Variants in MRTFA observed in about 807,000 individuals in gnomAD.
MRTFA encodes myocardin related transcription factor A, also known as myocardin-related transcription factor A.
A neutral mutation model predicts 83.5 loss-of-function variants in MRTFA; 20 were observed. The ratio of observed to expected loss-of-function variants is 0.24; its 90% CI spans 0.17 to 0.35. The LOEUF (loss-of-function observed/expected upper bound fraction) is 0.35, where lower values mean the gene tolerates loss of function less well. Among genes scored for constraint, MRTFA ranks in the 10% least tolerant of loss-of-function variants. The pLI is 1.00. For missense variants in MRTFA, 1,200 were observed against 1,224.7 expected, an observed-to-expected ratio of 0.98 and a Z score of 0.30; for synonymous variants, 659 against 541.2, an observed-to-expected ratio of 1.22 and a Z score of -3.02.
intron 2 of MRTFA, chr22:40,587,319 C>A: frequency 2.2e-6 from 1 of 454,434 alleles, no homozygotes. Context: ...AGTTTGCTTA[C>A]ATTAAGCAGA....
chr22:40,582,910 CAGG>C (rs1315806001), intron 2 of MRTFA, among the ~76,000 whole-genome samples: 1 of 152,078 alleles, frequency 6.6e-6, no homozygotes, highest in African/African-American at 2.4e-5. Context: ...GCAATCTGGC[CAGG>C]AGTACACAGG....
At chr22:40,476,318 C>T (rs2147176584) in intron 3 of MRTFA, among the ~76,000 whole-genome samples, 1 of 152,288 alleles carries the variant, frequency 6.6e-6, no homozygotes, top group African/African-American at 2.4e-5. Context: ...AAAGAGAAGA[C>T]AGATGTCTCT....
intron 3 of MRTFA, among the ~76,000 whole-genome samples, chr22:40,516,996 C>A (rs2054772310): frequency 6.6e-6 from 1 of 151,916 alleles, no homozygotes; most frequent in African/African-American, 2.4e-5. Flanking sequence ...AATCACAGCT[C>A]ACGGCAGCCT....
chr22:40,574,660 C>T (rs1222521183), intron 2 of MRTFA, among the ~76,000 whole-genome samples: 1 of 152,018 alleles, frequency 6.6e-6, no homozygotes, highest in Non-Finnish European at 1.5e-5. Context: ...TCTCCAACAC[C>T]TGGCCTCAAG....
chr22:40,518,896 T>C (rs1176516997), intron 3 of MRTFA, among the ~76,000 whole-genome samples: 1 of 151,964 alleles, frequency 6.6e-6, no homozygotes, highest in Non-Finnish European at 1.5e-5. Flanking sequence ...ATATTTATTT[T>C]TGCTGGAATT....
chr22:40,595,247 G>A (rs551515674), intron 1 of MRTFA, among the ~76,000 whole-genome samples: 30 of 150,274 alleles, frequency 2.0e-4, no homozygotes, highest in Middle Eastern at 3.4e-3. Flanking sequence ...AGACTCCCAA[G>A]TAGGCTGGGA....
At chr22:40,420,724 T>G in intron 10 of MRTFA, 123 bp downstream of exon 10, 1 of 1,544,198 alleles carries the variant, frequency 6.5e-7, no homozygotes. Context: ...TGCAGACCAC[T>G]CTGTAGCATC....
intron 2 of MRTFA, among the ~76,000 whole-genome samples, chr22:40,571,921 C>CAAAA (rs557782525): frequency 4.6e-3 from 86 of 18,498 alleles, no homozygotes; most frequent in South Asian, 5.6e-3. Flanking sequence ...AAGACTCTGT[C>CAAAA]AAAAAAAAAA....
chr22:40,419,737 G>A (rs569653314), intron 11 of MRTFA, among the ~76,000 whole-genome samples: 2 of 152,228 alleles, frequency 1.3e-5, no homozygotes, highest in African/African-American at 4.8e-5. Context: ...CTGAGCTCAT[G>A]AAAGTAGGGC....
chr22:40,565,853 A>G (rs77124368), intron 2 of MRTFA, among the ~76,000 whole-genome samples: 1 of 152,354 alleles, frequency 6.6e-6, no homozygotes, highest in African/African-American at 2.4e-5. Context: ...GCCAACCCTT[A>G]TTATAAATGA....
intron 4 of MRTFA, among the ~76,000 whole-genome samples, chr22:40,452,805 C>CAAAAA (rs34486531): frequency 3.2e-5 from 2 of 62,668 alleles, no homozygotes; most frequent in Non-Finnish European, 3.1e-5. Context: ...CACTCCGTCT[C>CAAAAA]AAAAAAAAAA....
chr22:40,518,781 T>G (rs1602372250), intron 3 of MRTFA, among the ~76,000 whole-genome samples: 1 of 110,212 alleles, frequency 9.1e-6, no homozygotes, highest in African/African-American at 3.7e-5. Context: ...GGCGACAGAG[T>G]GAGACTCTGT....
At chr22:40,526,982 T>A (rs943296117) in intron 3 of MRTFA, among the ~76,000 whole-genome samples, 1 of 151,658 alleles carries the variant, frequency 6.6e-6, no homozygotes, top group Non-Finnish European at 1.5e-5. Flanking sequence ...AAAAAAATAC[T>A]GGGGTGCAGC....
chr22:40,420,588 A>G lies in MRTFA; in HGVS notation c.1182-12T>C. On this transcript the variant is annotated splice_polypyrimidine_tract_variant and intron_variant, in intron 10 of 14. Transcript: ENST00000355630. Reference sequence around the variant, plus strand: ...CCTCGCCTGCTGACCTGGGAAGAAAAGGCAGAAATTAGCCCCATCCAGCTT... The same window carrying G: ...CCTCGCCTGCTGACCTGGGAAGAAAGGGCAGAAATTAGCCCCATCCAGCTT... 1 of 1,612,232 alleles carries G rather than the reference A, an allele frequency of 6.2e-7. No homozygotes were observed. Among genetic ancestry groups the G allele is most frequent in the Non-Finnish European group, 8.5e-7 (1 of 1,179,514 alleles).
At chr22:40,512,720 T>C (rs886291804) in intron 3 of MRTFA, among the ~76,000 whole-genome samples, 7 of 152,360 alleles carry the variant, frequency 4.6e-5, no homozygotes, top group African/African-American at 1.2e-4. Flanking sequence ...CAGTGAGGTT[T>C]TGTGGAGCTG....
intron 1 of MRTFA, among the ~76,000 whole-genome samples, chr22:40,599,350 T>C (rs540347237): frequency 2.6e-5 from 4 of 152,288 alleles, no homozygotes; most frequent in Admixed American, 6.5e-5. Context: ...TTATTTTCAA[T>C]ACTTTTGGCT....
At chr22:40,454,996 G>C (rs1178167627) in intron 4 of MRTFA, among the ~76,000 whole-genome samples, 1 of 152,056 alleles carries the variant, frequency 6.6e-6, no homozygotes, top group Non-Finnish European at 1.5e-5. Context: ...AGAGATGGGG[G>C]TCTATCTTGC....
At chr22:40,440,227 T>TA (rs952832789) in intron 4 of MRTFA, among the ~76,000 whole-genome samples, 2 of 150,656 alleles carry the variant, frequency 1.3e-5, no homozygotes, top group Non-Finnish European at 3.0e-5. Flanking sequence ...ATAGTAATAA[T>TA]AACATTATAA....
At chr22:40,571,852 A>G (rs1176304434) in intron 2 of MRTFA, among the ~76,000 whole-genome samples, 1 of 136,786 alleles carries the variant, frequency 7.3e-6, no homozygotes, top group African/African-American at 2.7e-5. Flanking sequence ...TGAACCTGGG[A>G]GGCGGAGCTT....
Sources: gnomAD v4.1 joint callset for allele counts (sites outside exome capture counted in the v4.1 genomes callset) on GRCh38, gnomAD v4.1.1 for gene constraint, MANE v1.5 for transcripts, NCBI Gene and HGNC (gene_info 2026-07-23, HGNC 2026-07-21) for gene names.